Variants in GRIP1 observed in about 807,000 individuals in gnomAD.
GRIP1 encodes the protein glutamate receptor interacting protein 1.
Under a neutral mutation model 129.9 loss-of-function variants are expected in GRIP1, and 45 were observed. The observed-to-expected ratio is 0.35, with a 90% confidence interval of 0.27 to 0.44. The LOEUF is 0.44. Among genes scored for constraint, GRIP1 ranks in the 20% least tolerant of loss-of-function variants. GRIP1 has a pLI of 1.00. For missense variants in GRIP1, 1,196 were observed against 1,396.8 expected (o/e 0.86, Z 2.29); for synonymous variants, 530 against 520.8 (o/e 1.02, Z -0.24).
rs537125206 is a variant in GRIP1, at chr12:66,456,102, C to T, written c.1198+85G>A. The T allele has an allele frequency of 1.1e-4, 87 of 802,082 alleles. 1 individual carries two copies. The Middle Eastern group carries it at 5.1e-3, about 47-fold the overall frequency. 49.7% of individuals were successfully genotyped at this position (802,082 alleles called of 1,614,324 possible). ...CTATAAGAAACAGAAAAAACAACAT[C>T]CATGAAGCCAAAGATGAGAAAAGGA... On this transcript the variant is annotated intron_variant, in intron 10 of 24. Coordinates refer to ENST00000359742, the MANE Select transcript of GRIP1 (RefSeq NM_001366722.1).
chr12:66,451,383 GTTTTTTTTTTTTTTTTTTTTT>G (rs1169331519), intron 11 of GRIP1, among the ~76,000 whole-genome samples: 13 of 42,648 alleles, frequency 3.0e-4, no homozygotes, highest in African/African-American at 4.4e-4. Flanking sequence ...ATTATAATCT[GTTTTTTTTTTTTTTTTTTTTT>G]TTTTTTTTTT....
At chr12:66,417,657 T>G (rs2057656132) in intron 15 of GRIP1, among the ~76,000 whole-genome samples, 2 of 151,974 alleles carry the variant, frequency 1.3e-5, no homozygotes, top group Non-Finnish European at 2.9e-5. Context: ...GTGAACAATC[T>G]GAAAGAGAAA....
intron 1 of GRIP1, among the ~76,000 whole-genome samples, chr12:66,865,854 T>C (rs1433553053): frequency 6.6e-6 from 1 of 152,194 alleles, no homozygotes; most frequent in African/African-American, 2.4e-5. Context: ...CTACTTCTGC[T>C]TATTTTCCAA....
chr12:66,702,485 GT>G (rs1375797986), intron 1 of GRIP1, among the ~76,000 whole-genome samples: 1 of 152,070 alleles, frequency 6.6e-6, no homozygotes, highest in African/African-American at 2.4e-5. Flanking sequence ...GACAGCAAAA[GT>G]TCTATGAAAG....
At chr12:67,007,539 G>C (rs2042644722) in intron 1 of GRIP1, among the ~76,000 whole-genome samples, 1 of 152,106 alleles carries the variant, frequency 6.6e-6, no homozygotes, top group Non-Finnish European at 1.5e-5. Context: ...GAAGAGTGAT[G>C]GGCAAATATG....
intron 7 of GRIP1, among the ~76,000 whole-genome samples, chr12:66,495,950 C>A (rs753324208): frequency 2.6e-5 from 4 of 152,128 alleles, no homozygotes; most frequent in Non-Finnish European, 4.4e-5. Flanking sequence ...TGAACCGAAG[C>A]GCGCCAGGAG....
At chr12:66,939,844 C>T (rs1329027764) in intron 1 of GRIP1, among the ~76,000 whole-genome samples, 1 of 152,140 alleles carries the variant, frequency 6.6e-6, no homozygotes, top group African/African-American at 2.4e-5. Context: ...ATACATTCTC[C>T]AATGTTATTT....
chr12:66,857,335 TATA>T (rs1214762141), intron 1 of GRIP1, among the ~76,000 whole-genome samples: 1 of 152,154 alleles, frequency 6.6e-6, no homozygotes, highest in African/African-American at 2.4e-5. Flanking sequence ...ACCCTAAAAG[TATA>T]ATAATAATAA....
intron 1 of GRIP1, among the ~76,000 whole-genome samples, chr12:67,033,576 T>C (rs2043053794): frequency 6.6e-6 from 1 of 152,036 alleles, no homozygotes; most frequent in Non-Finnish European, 1.5e-5. Flanking sequence ...ACCCCTTCAC[T>C]CTCCAAATGA....
intron 1 of GRIP1, among the ~76,000 whole-genome samples, chr12:67,041,631 T>C (rs2043181836): frequency 6.6e-6 from 1 of 152,130 alleles, no homozygotes; most frequent in Middle Eastern, 3.2e-3. Flanking sequence ...TGCTTCAAAG[T>C]AGTTCATCTA....
At chr12:66,360,443 G>C (rs961824479) in intron 23 of GRIP1, among the ~76,000 whole-genome samples, 1 of 152,136 alleles carries the variant, frequency 6.6e-6, no homozygotes, top group African/African-American at 2.4e-5. Flanking sequence ...GTGCTGACTA[G>C]AGGATGCCCC....
At chr12:67,031,986 G>A (rs1008605719) in intron 1 of GRIP1, among the ~76,000 whole-genome samples, 1 of 151,796 alleles carries the variant, frequency 6.6e-6, no homozygotes, top group East Asian at 1.9e-4. Flanking sequence ...CCTTTGTTTT[G>A]TATGCCCTTC....
At chr12:66,758,476 G>A (rs545693701) in intron 1 of GRIP1, among the ~76,000 whole-genome samples, 1 of 151,672 alleles carries the variant, frequency 6.6e-6, no homozygotes, top group South Asian at 2.1e-4. Context: ...ATATCATTCT[G>A]CCCCTAGCCC....
intron 7 of GRIP1, among the ~76,000 whole-genome samples, chr12:66,480,514 C>A (rs2059770704): frequency 6.6e-6 from 1 of 152,018 alleles, no homozygotes. Flanking sequence ...TCAGTGCTAT[C>A]CTCATCAAGC....
chr12:66,932,252 T>C lies in GRIP1; in HGVS notation c.58+136798A>G, dbSNP rs750780794. 6.7e-4 allele frequency among the ~76,000 whole-genome samples: 102 copies of C among 152,194 alleles called. 1 individual carries two copies. The highest frequency in any genetic ancestry group is 2.4e-4 in the Non-Finnish European group (16 of 68,026). ...AGCTACAACCCCAAAGAAAGCCTCATGATGTTCTTCCATCCAGGAGCAACA... is the reference window on the plus strand; with the variant it reads ...AGCTACAACCCCAAAGAAAGCCTCACGATGTTCTTCCATCCAGGAGCAACA... On this transcript the variant is annotated intron_variant, in intron 1 of 1. Coordinates refer to the GRIP1 transcript ENST00000643019.
intron 1 of GRIP1, among the ~76,000 whole-genome samples, chr12:66,779,887 A>G (rs537158632): frequency 1.3e-5 from 2 of 152,386 alleles, no homozygotes; most frequent in South Asian, 2.1e-4. Flanking sequence ...TGATATTTGC[A>G]TATTAAGAAG....
intron 1 of GRIP1, among the ~76,000 whole-genome samples, chr12:66,708,389 G>C (rs2035606715): frequency 6.6e-6 from 1 of 151,954 alleles, no homozygotes; most frequent in African/African-American, 2.4e-5. Flanking sequence ...AATGAAGAGT[G>C]TCTTTAAGGC....
intron 1 of GRIP1, among the ~76,000 whole-genome samples, chr12:66,849,899 C>A (rs1213981988): frequency 1.3e-5 from 2 of 152,124 alleles, no homozygotes; most frequent in East Asian, 3.9e-4. Flanking sequence ...GAATAGGAGC[C>A]CAGTTCAATT....
intron 1 of GRIP1, among the ~76,000 whole-genome samples, chr12:66,765,585 A>T (rs1241349207): frequency 6.6e-6 from 1 of 152,190 alleles, no homozygotes; most frequent in African/African-American, 2.4e-5. Context: ...TCTAATCCTC[A>T]TTCCTAGTGG....
Sources: gnomAD v4.1 joint callset for allele counts (sites outside exome capture counted in the v4.1 genomes callset) on GRCh38, gnomAD v4.1.1 for gene constraint, MANE v1.5 for transcripts, NCBI Gene and HGNC (gene_info 2026-07-23, HGNC 2026-07-21) for gene names.